Variants in STK3 observed in about 807,000 individuals in gnomAD.
The protein encoded by STK3 is serine/threonine kinase 3, also known as serine/threonine-protein kinase 3.
A neutral mutation model predicts 58.0 loss-of-function variants in STK3; 41 were observed. The ratio of observed to expected loss-of-function variants is 0.71; its 90% CI spans 0.55 to 0.92. The LOEUF is 0.92. STK3 is among the 40% of genes least tolerant of loss of function. STK3 has a pLI of 0.00. For synonymous variants in STK3, 170 were observed against 191.0 expected (o/e 0.89, Z 0.91); for missense variants, 479 against 602.7 (o/e 0.79, Z 2.15).
At chr8:98,716,433 T>A (rs899182349) in intron 4 of STK3, among the ~76,000 whole-genome samples, 1 of 152,086 alleles carries the variant, frequency 6.6e-6, no homozygotes, top group Non-Finnish European at 1.5e-5. Flanking sequence ...AGAATTTCTT[T>A]ATTTTAAAGA....
intron 3 of STK3, among the ~76,000 whole-genome samples, chr8:98,858,396 T>C (rs1457056519): frequency 1.5e-5 from 2 of 136,392 alleles, no homozygotes; most frequent in Non-Finnish European, 3.1e-5. Flanking sequence ...ACATAACTCC[T>C]GACCTCGTGA....
chr8:98,550,124 G>A (rs1811043905), intron 8 of STK3, among the ~76,000 whole-genome samples: 1 of 151,196 alleles, frequency 6.6e-6, no homozygotes, highest in Admixed American at 6.6e-5. Context: ...AGTTCTGGCA[G>A]AGGTCAAAAT....
At chr8:98,642,035 A>C (rs1420222523) in intron 6 of STK3, among the ~76,000 whole-genome samples, 2 of 152,234 alleles carry the variant, frequency 1.3e-5, no homozygotes, top group Non-Finnish European at 2.9e-5. Flanking sequence ...TTAGTAGCCA[A>C]GAAAAGTTCT....
chr8:98,663,082 G>A (rs1353775372), intron 6 of STK3, among the ~76,000 whole-genome samples: 4 of 152,158 alleles, frequency 2.6e-5, no homozygotes, highest in Non-Finnish European at 4.4e-5. Flanking sequence ...TACCACCAGA[G>A]TGAAGAGGCA....
intron 1 of STK3, among the ~76,000 whole-genome samples, chr8:98,933,419 C>T (rs1299676938): frequency 6.6e-6 from 1 of 152,140 alleles, no homozygotes; most frequent in South Asian, 2.1e-4. Context: ...AAATTGTGCA[C>T]ATTTACTATT....
chr8:98,405,697 A>T (rs1233340364), intron 3 of STK3, among the ~76,000 whole-genome samples: 4 of 152,204 alleles, frequency 2.6e-5, no homozygotes, highest in African/African-American at 9.6e-5. Context: ...AATTTACAAA[A>T]GAAAGAGGAT....
intron 1 of STK3, among the ~76,000 whole-genome samples, chr8:98,382,567 CG>C (rs1817747424): frequency 6.6e-6 from 1 of 150,520 alleles, no homozygotes; most frequent in Admixed American, 6.8e-5. Context: ...AGATTGGAGG[CG>C]GGGGGAGCCT....
chr8:98,717,071 G>GA (rs1174907161), intron 4 of STK3, among the ~76,000 whole-genome samples: 1 of 151,486 alleles, frequency 6.6e-6, no homozygotes, highest in Non-Finnish European at 1.5e-5. Flanking sequence ...CCACTCTTGG[G>GA]AAAAAATAAA....
intron 4 of STK3, among the ~76,000 whole-genome samples, chr8:98,717,308 T>C (rs969653825): frequency 2.0e-5 from 3 of 151,758 alleles, no homozygotes; most frequent in African/African-American, 4.8e-5. Context: ...ACAGAATATA[T>C]AGAGAACTCC....
downstream of STK3, among the ~76,000 whole-genome samples, chr8:98,450,282 C>A (rs1042893370): frequency 1.4e-4 from 22 of 152,122 alleles, no homozygotes; most frequent in African/African-American, 5.3e-4. Flanking sequence ...GAACAGAGCC[C>A]CCTTCTTCAT....
chr8:98,384,308 C>G (rs574532937), intron 1 of STK3, among the ~76,000 whole-genome samples: 80 of 152,352 alleles, frequency 5.3e-4, no homozygotes, highest in South Asian at 4.4e-3. Flanking sequence ...CCCTAAAGAC[C>G]ATTGCAATAG....
chr8:98,414,857 G>A (rs530498260), intron 3 of STK3, among the ~76,000 whole-genome samples: 5 of 152,176 alleles, frequency 3.3e-5, no homozygotes, highest in Non-Finnish European at 5.9e-5. Context: ...TGCACTATCG[G>A]AAGGATGTGT....
intron 1 of STK3, among the ~76,000 whole-genome samples, chr8:98,780,161 A>G (rs1831994865): frequency 6.6e-6 from 1 of 151,414 alleles, no homozygotes. Flanking sequence ...GGTATATTTT[A>G]CCTATTATAA....
chr8:98,782,316 G>A (rs1832144443), intron 1 of STK3: 1 of 178,790 alleles, frequency 5.6e-6, no homozygotes, highest in East Asian at 1.7e-4. Flanking sequence ...TGCCAGAGAA[G>A]GTAACCTGGG....
At chr8:98,767,125 AAAAAG>A (rs1831000782) in intron 3 of STK3, 113 bp downstream of exon 3, 1 of 1,277,454 alleles carries the variant, frequency 7.8e-7, no homozygotes. Context: ...CTGTCTCAAA[AAAAAG>A]AAAAGAAAAA....
chr8:98,754,783 T>TATAG (rs1830188376), intron 3 of STK3, among the ~76,000 whole-genome samples: 1 of 152,108 alleles, frequency 6.6e-6, no homozygotes, highest in African/African-American at 2.4e-5. Flanking sequence ...GTGCTGAGAC[T>TATAG]ATAGGTGTGA....
intron 1 of STK3, among the ~76,000 whole-genome samples, chr8:98,820,305 T>C (rs1834806686): frequency 6.6e-6 from 1 of 152,210 alleles, no homozygotes; most frequent in South Asian, 2.1e-4. Flanking sequence ...AACTCACCTG[T>C]CTTGAGAGTA....
At chr8:98,826,993 C>A (rs953076604), upstream of STK3, among the ~76,000 whole-genome samples, 22 of 133,880 alleles carry the variant, frequency 1.6e-4, no homozygotes, top group African/African-American at 6.2e-4. Flanking sequence ...ATATACCTTT[C>A]ACATAACAAT....
At chr8:98,424,408 C>T (rs994925117) in intron 3 of STK3, among the ~76,000 whole-genome samples, 3 of 151,910 alleles carry the variant, frequency 2.0e-5, no homozygotes, top group African/African-American at 7.3e-5. Context: ...GGGAAGGGGA[C>T]AAGGGGGAGG....
Sources: allele counts gnomAD v4.1 joint callset (sites outside exome capture counted in the v4.1 genomes callset), GRCh38; gene constraint gnomAD v4.1.1; transcripts MANE v1.5; gene names NCBI Gene and HGNC (gene_info 2026-07-23, HGNC 2026-07-21).